STAU2: variants seen among roughly 807,000 people sequenced by gnomAD.
The protein encoded by STAU2 is staufen double-stranded RNA binding protein 2.
Under a neutral mutation model 65.9 loss-of-function variants are expected in STAU2, and 20 were observed. The ratio of observed to expected loss-of-function variants is 0.30; its 90% CI spans 0.21 to 0.44. The LOEUF is 0.44. STAU2 is among the 20% of genes least tolerant of loss of function. STAU2 has a pLI of 1.00. For missense variants in STAU2, 558 were observed against 683.9 expected, an observed-to-expected ratio of 0.82 and a Z score of 2.05; for synonymous variants, 232 against 233.9, an observed-to-expected ratio of 0.99 and a Z score of 0.07.
intron 13 of STAU2, among the ~76,000 whole-genome samples, chr8:73,474,805 A>G (rs781570566): frequency 1.4e-4 from 22 of 152,242 alleles, no homozygotes; most frequent in Non-Finnish European, 2.5e-4. Context: ...AGTCTCCTCA[A>G]TAGAATTGGG....
At chr8:73,550,206 G>A in intron 13 of STAU2, 1 of 985,140 alleles carries the variant, frequency 1.0e-6, no homozygotes. Flanking sequence ...ACAATACACA[G>A]ATTTGGAAAC....
At chr8:73,747,323 C>A, upstream of STAU2, 1 of 1,517,000 alleles carries the variant, frequency 6.6e-7, no homozygotes, top group Non-Finnish European at 8.8e-7. Context: ...CAACTTCCTT[C>A]CCCGCCCGAC....
intron 9 of STAU2, among the ~76,000 whole-genome samples, chr8:73,605,898 C>G (rs182420867): frequency 6.9e-6 from 1 of 144,642 alleles, no homozygotes; most frequent in African/African-American, 2.7e-5. Context: ...CACACACACA[C>G]ACACACACAC....
intron 3 of STAU2, among the ~76,000 whole-genome samples, chr8:73,724,237 T>C (rs7001134): frequency 0.3 from 46,206 of 151,956 alleles, 7,962 homozygotes; most frequent in East Asian, 0.48. Context: ...ACATATTTTG[T>C]TTTTTTGGAG....
At chr8:73,591,325 C>T (rs1433161601) in intron 11 of STAU2, among the ~76,000 whole-genome samples, 2 of 150,830 alleles carry the variant, frequency 1.3e-5, no homozygotes, top group Admixed American at 6.6e-5. Context: ...AGAGTAAGTG[C>T]GGGGAAAAAA....
intron 5 of STAU2, among the ~76,000 whole-genome samples, chr8:73,676,655 G>A (rs1374621205): frequency 1.3e-5 from 2 of 152,220 alleles, no homozygotes; most frequent in Non-Finnish European, 2.9e-5. Context: ...GAGTGCAGTG[G>A]TGCAATCTCA....
chr8:73,492,274 A>G (rs561116886), intron 13 of STAU2, among the ~76,000 whole-genome samples: 47 of 152,002 alleles, frequency 3.1e-4, no homozygotes, highest in African/African-American at 1.1e-3. Flanking sequence ...ACTGTTTTCT[A>G]TTGTTAAGAA....
chr8:73,501,833 A>G (rs1184408339), intron 13 of STAU2, among the ~76,000 whole-genome samples: 4 of 152,006 alleles, frequency 2.6e-5, no homozygotes, highest in Non-Finnish European at 5.9e-5. Flanking sequence ...CCAAAATATA[A>G]ATGTAAATTA....
At chr8:73,573,052 T>C (rs199992639) in intron 12 of STAU2, among the ~76,000 whole-genome samples, 2 of 152,170 alleles carry the variant, frequency 1.3e-5, no homozygotes, top group African/African-American at 4.8e-5. Context: ...ACTTCAGCAA[T>C]GTCTCAGGAT....
At chr8:73,491,046 A>T (rs935427011) in intron 13 of STAU2, among the ~76,000 whole-genome samples, 4 of 152,046 alleles carry the variant, frequency 2.6e-5, no homozygotes, top group Non-Finnish European at 5.9e-5. Context: ...AAAACTGTCT[A>T]TTAGTATTAA....
intron 13 of STAU2, among the ~76,000 whole-genome samples, chr8:73,495,231 T>C (rs1821342990): frequency 6.6e-6 from 1 of 151,538 alleles, no homozygotes; most frequent in Non-Finnish European, 1.5e-5. Context: ...TAGAAGTGAG[T>C]TGGTCTCTCC....
intron 13 of STAU2, among the ~76,000 whole-genome samples, chr8:73,512,121 C>A (rs1050485918): frequency 2.0e-5 from 3 of 152,278 alleles, no homozygotes; most frequent in African/African-American, 7.2e-5. Flanking sequence ...ACATGTCTAT[C>A]CTTAATGCCA....
chr8:73,471,616 T>A (rs1172350570), intron 13 of STAU2, among the ~76,000 whole-genome samples: 1 of 150,972 alleles, frequency 6.6e-6, no homozygotes, highest in Admixed American at 6.6e-5. Context: ...GTCAGGAGTT[T>A]GAGAACAGCC....
intron 13 of STAU2, among the ~76,000 whole-genome samples, chr8:73,454,620 C>T (rs1818966554): frequency 6.6e-6 from 1 of 152,194 alleles, no homozygotes; most frequent in Admixed American, 6.5e-5. Flanking sequence ...ATCATTTATC[C>T]ATCCACTCTC....
At chr8:73,687,420 A>AATATAAATATATATTTATAT (rs1818996552) in intron 5 of STAU2, among the ~76,000 whole-genome samples, 2 of 129,742 alleles carry the variant, frequency 1.5e-5, no homozygotes, top group Non-Finnish European at 3.1e-5. Flanking sequence ...AATTAATTTA[A>AATATAAATATATATTTATAT]ATATAAATAT....
intron 13 of STAU2, among the ~76,000 whole-genome samples, chr8:73,454,241 T>C (rs1455306881): frequency 6.6e-6 from 1 of 152,232 alleles, no homozygotes; most frequent in Non-Finnish European, 1.5e-5. Context: ...CATAAAGTTG[T>C]GTTTTGCTAC....
chr8:73,546,500 A>T (rs1312059954), intron 13 of STAU2, among the ~76,000 whole-genome samples: 2 of 152,218 alleles, frequency 1.3e-5, no homozygotes, highest in Non-Finnish European at 2.9e-5. Context: ...GAAATAATAT[A>T]TGTAATGCCT....
intron 13 of STAU2, among the ~76,000 whole-genome samples, chr8:73,508,031 C>A (rs1404122173): frequency 6.6e-6 from 1 of 152,170 alleles, no homozygotes; most frequent in Non-Finnish European, 1.5e-5. Flanking sequence ...CTGGTTTGAT[C>A]TTCTGTCCAG....
chr8:73,742,613 C>T (rs768330057), intron 1 of STAU2, among the ~76,000 whole-genome samples: 4 of 151,834 alleles, frequency 2.6e-5, no homozygotes, highest in Non-Finnish European at 5.9e-5. Context: ...TACAACTAAG[C>T]GCTTTTAGAG....
Sources: allele counts gnomAD v4.1 joint callset (sites outside exome capture counted in the v4.1 genomes callset), GRCh38; gene constraint gnomAD v4.1.1; transcripts MANE v1.5; gene names NCBI Gene and HGNC (gene_info 2026-07-23, HGNC 2026-07-21).